ASTN2: variants seen among roughly 807,000 people sequenced by gnomAD.
The protein encoded by ASTN2 is astrotactin 2.
In ASTN2, 54 loss-of-function variants were observed where a neutral mutation model predicts 139.8. The ratio of observed to expected loss-of-function variants is 0.39; its 90% CI spans 0.31 to 0.48. ASTN2 has a LOEUF of 0.48. Among genes scored for constraint, ASTN2 ranks in the 20% least tolerant of loss-of-function variants. ASTN2 has a pLI of 0.95. For synonymous variants in ASTN2, 756 were observed against 719.5 expected, an observed-to-expected ratio of 1.05 and a Z score of -0.81; for missense variants, 1,565 against 1,725.1, an observed-to-expected ratio of 0.91 and a Z score of 1.64.
intron 2 of ASTN2, among the ~76,000 whole-genome samples, chr9:117,281,659 G>T (rs1314460457): frequency 2.0e-5 from 3 of 152,180 alleles, no homozygotes; most frequent in East Asian, 3.9e-4. Context: ...GGCAGAGGAA[G>T]TTGGGAATGG....
intron 10 of ASTN2, among the ~76,000 whole-genome samples, chr9:116,864,359 G>A (rs368546229): frequency 6.6e-6 from 1 of 152,116 alleles, no homozygotes; most frequent in Non-Finnish European, 1.5e-5. Context: ...AGACTATTGT[G>A]TATAAGTCAC....
intron 19 of ASTN2, among the ~76,000 whole-genome samples, chr9:116,525,232 T>G (rs1049073253): frequency 3.9e-5 from 6 of 152,198 alleles, no homozygotes; most frequent in African/African-American, 1.4e-4. Context: ...AACTTTGAAC[T>G]TTACATAAAT....
At chr9:116,477,886 G>T (rs1210316726) in intron 20 of ASTN2, among the ~76,000 whole-genome samples, 1 of 148,344 alleles carries the variant, frequency 6.7e-6, no homozygotes, top group African/African-American at 2.5e-5. Flanking sequence ...TGAAAGAAAA[G>T]AAAAAGACAG....
At chr9:116,872,713 G>C (rs988563149) in intron 10 of ASTN2, among the ~76,000 whole-genome samples, 2 of 152,144 alleles carry the variant, frequency 1.3e-5, no homozygotes, top group African/African-American at 4.8e-5. Flanking sequence ...GAGACATAAA[G>C]GATGGGTGGA....
chr9:116,854,895 G>A (rs933758772), intron 11 of ASTN2, among the ~76,000 whole-genome samples: 2 of 151,698 alleles, frequency 1.3e-5, no homozygotes, highest in South Asian at 2.1e-4. Flanking sequence ...CTTGTGATCC[G>A]CCTACCTCGG....
intron 22 of ASTN2, among the ~76,000 whole-genome samples, chr9:116,430,305 C>T (rs911188195): frequency 1.3e-5 from 2 of 152,146 alleles, no homozygotes; most frequent in Non-Finnish European, 1.5e-5. Context: ...TGAGTAGTAA[C>T]AAAGGCAAAG....
chr9:116,723,088 C>A (rs993157144), intron 16 of ASTN2, among the ~76,000 whole-genome samples: 3 of 151,972 alleles, frequency 2.0e-5, no homozygotes, highest in Non-Finnish European at 4.4e-5. Flanking sequence ...TGGCGTGAAC[C>A]CGGAAAGCAG....
intron 6 of ASTN2, among the ~76,000 whole-genome samples, chr9:117,017,449 G>A (rs972965318): frequency 3.9e-5 from 6 of 152,156 alleles, no homozygotes; most frequent in Non-Finnish European, 8.8e-5. Context: ...AGTTGCTCAA[G>A]TAAGACACGA....
intron 2 of ASTN2, among the ~76,000 whole-genome samples, chr9:117,284,709 G>T (rs977412944): frequency 1.7e-4 from 26 of 152,206 alleles, no homozygotes; most frequent in Non-Finnish European, 3.1e-4. Context: ...GCAGAGTAAT[G>T]ACATTTATAG....
At chr9:117,278,884 T>C (rs1386425987) in intron 2 of ASTN2, among the ~76,000 whole-genome samples, 1 of 152,152 alleles carries the variant, frequency 6.6e-6, no homozygotes, top group Non-Finnish European at 1.5e-5. Context: ...GGGTGCAGTT[T>C]ATAGCCTGAC....
chr9:116,506,657 G>A (rs937977929), intron 19 of ASTN2, among the ~76,000 whole-genome samples: 1 of 152,168 alleles, frequency 6.6e-6, no homozygotes, highest in African/African-American at 2.4e-5. Flanking sequence ...AGGGCAGGAA[G>A]GGGATTGCTG....
chr9:116,929,048 G>T (rs1277734387), intron 10 of ASTN2, among the ~76,000 whole-genome samples: 3 of 152,194 alleles, frequency 2.0e-5, no homozygotes, highest in African/African-American at 7.2e-5. Context: ...CTCCCAGTGG[G>T]ATCCAGCATA....
chr9:117,223,116 G>A (rs1439057871), intron 2 of ASTN2, among the ~76,000 whole-genome samples: 4 of 152,128 alleles, frequency 2.6e-5, no homozygotes, highest in African/African-American at 9.7e-5. Flanking sequence ...GCCGTAGGGT[G>A]GCAAAATCAG....
intron 3 of ASTN2, among the ~76,000 whole-genome samples, chr9:117,208,448 C>T (rs188316721): frequency 1.4e-3 from 205 of 150,226 alleles, no homozygotes; most frequent in African/African-American, 4.9e-3. Flanking sequence ...TGAAATAACA[C>T]AAGGAGTCAA....
intron 1 of ASTN2, among the ~76,000 whole-genome samples, chr9:117,313,290 C>A (rs975857823): frequency 1.3e-5 from 2 of 152,152 alleles, no homozygotes; most frequent in East Asian, 1.9e-4. Context: ...CTGGCTCTTC[C>A]GTTTGGATTT....
intron 5 of ASTN2, among the ~76,000 whole-genome samples, chr9:117,045,995 T>TACGTACATAC (rs1402092655): frequency 8.1e-6 from 1 of 122,762 alleles, no homozygotes; most frequent in Non-Finnish European, 1.7e-5. Context: ...TACGTACGTA[T>TACGTACATAC]GTATGTATGT....
intron 19 of ASTN2, among the ~76,000 whole-genome samples, chr9:116,609,379 G>GTGTATATATATA (rs1448736644): frequency 1.7e-5 from 2 of 116,726 alleles, no homozygotes; most frequent in Admixed American, 8.7e-5. Context: ...ATATATGGGT[G>GTGTATATATATA]TATATATATA....
intron 15 of ASTN2, among the ~76,000 whole-genome samples, chr9:116,727,873 C>A (rs116331549): frequency 0.014 from 2,118 of 152,252 alleles, 59 homozygotes; most frequent in South Asian, 0.13. Context: ...AAGAAATGAA[C>A]TATTATAAAA....
chr9:116,843,667 A>G (rs1832340182), intron 11 of ASTN2, among the ~76,000 whole-genome samples: 1 of 151,990 alleles, frequency 6.6e-6, no homozygotes, highest in South Asian at 2.1e-4. Flanking sequence ...CTCAAAAAAA[A>G]AAAAAAAAAG....
Sources: allele counts gnomAD v4.1 joint callset (sites outside exome capture counted in the v4.1 genomes callset), GRCh38; gene constraint gnomAD v4.1.1; transcripts MANE v1.5; gene names NCBI Gene and HGNC (gene_info 2026-07-23, HGNC 2026-07-21).